Variants in EZR observed in about 807,000 individuals in gnomAD.
EZR encodes cytovillin 2.
Under a neutral mutation model 74.8 loss-of-function variants are expected in EZR, and 40 were observed. The observed-to-expected ratio is 0.53, with a 90% CI of 0.42 to 0.70. The LOEUF (loss-of-function observed/expected upper bound fraction) is 0.70, where lower values mean the gene tolerates loss of function less well. EZR is among the 30% of genes least tolerant of loss of function. The pLI, the probability that EZR is intolerant of heterozygous loss-of-function variation, is 0.00. For missense variants in EZR, 678 were observed against 755.8 expected (o/e 0.90, Z 1.21); for synonymous variants, 341 against 283.3 (o/e 1.20, Z -2.05).
At chr6:158,772,091 C>CCA (rs1181801688) in intron 8 of EZR, among the ~76,000 whole-genome samples, 1 of 152,220 alleles carries the variant, frequency 6.6e-6, no homozygotes, top group African/African-American at 2.4e-5. Flanking sequence ...TCAAAGCTAT[C>CCA]CAGCCCTGCT....
intron 2 of EZR, among the ~76,000 whole-genome samples, chr6:158,803,327 C>T (rs1385672459): frequency 1.3e-5 from 2 of 151,026 alleles, no homozygotes; most frequent in East Asian, 2.0e-4. Context: ...ACGAGGTATA[C>T]GGTTATCCTC....
intron 8 of EZR, among the ~76,000 whole-genome samples, chr6:158,772,583 A>G (rs1165887292): frequency 6.6e-6 from 1 of 152,064 alleles, no homozygotes; most frequent in African/African-American, 2.4e-5. Context: ...CCTTCGGGAA[A>G]CTCGTGACCA....
At chr6:158,773,743 C>T (rs552806865) in intron 8 of EZR, among the ~76,000 whole-genome samples, 23 of 152,360 alleles carry the variant, frequency 1.5e-4, no homozygotes, top group Middle Eastern at 3.4e-3. Flanking sequence ...GGGAAGGTCA[C>T]GTGGGGGAAG....
At chr6:158,774,440 C>T (rs1006009319) in intron 8 of EZR, among the ~76,000 whole-genome samples, 3 of 152,030 alleles carry the variant, frequency 2.0e-5, no homozygotes, top group African/African-American at 7.3e-5. Flanking sequence ...CTTTCCTTCA[C>T]GTAAATGTAG....
Position 158,767,393 on chromosome 6 carries a change from G to T in EZR, c.1464C>A (p.Ser488Arg). 1 of 1,613,808 alleles carries T rather than the reference G, an allele frequency of 6.2e-7. No individual in the cohort carries two copies. The highest frequency in any genetic ancestry group is 8.5e-7 in the Non-Finnish European group (1 of 1,179,932). ...TGGGCTCTGCGCCCTCATCCTGCAA[G>T]CTCTCCTGGACATGGTAGCTCACCG... Reference protein sequence around the residue: ...YEPVSYHVQESLQDEGAEPTG... With the variant: ...YEPVSYHVQERLQDEGAEPTG... The change falls in exon 13 of 14, where the codon AGC becomes AGA. Residue 488 changes from serine (S) to arginine (R), a missense_variant. Transcript: ENST00000367075.
intron 2 of EZR, among the ~76,000 whole-genome samples, chr6:158,806,999 T>A (rs562938171): frequency 6.6e-6 from 1 of 152,354 alleles, no homozygotes; most frequent in South Asian, 2.1e-4. Context: ...CCAAGTGACC[T>A]GTGGTTCAAT....
chr6:158,795,405 C>T (rs1460459993), intron 2 of EZR, among the ~76,000 whole-genome samples: 4 of 147,860 alleles, frequency 2.7e-5, no homozygotes, highest in Non-Finnish European at 6.0e-5. Context: ...GAACCCATCT[C>T]TAACTTTTAA....
chr6:158,799,824 T>TC (rs1422448766), intron 2 of EZR, among the ~76,000 whole-genome samples: 1 of 152,244 alleles, frequency 6.6e-6, no homozygotes, highest in African/African-American at 2.4e-5. Flanking sequence ...CTCTTCTTTC[T>TC]CCCCATCACC....
At chr6:158,817,952 C>G (rs1180211619) in intron 2 of EZR, 130 bp downstream of exon 2, 16 of 826,366 alleles carry the variant, frequency 1.9e-5, no homozygotes, top group Middle Eastern at 2.5e-4. Context: ...AAACCTCCTC[C>G]TATTCCTATC....
intron 8 of EZR, among the ~76,000 whole-genome samples, chr6:158,771,987 GAGCTC>G (rs1791125702): frequency 6.6e-6 from 1 of 152,052 alleles, no homozygotes; most frequent in Non-Finnish European, 1.5e-5. Flanking sequence ...GCCAGCCTGG[GAGCTC>G]CAGGATGAGC....
chr6:158,789,609 T>TA (rs1437058974), intron 2 of EZR: 29 of 639,952 alleles, frequency 4.5e-5, no homozygotes, highest in Non-Finnish European at 8.2e-5. Context: ...CACTGACACT[T>TA]AGGTCTAAGC....
chr6:158,789,137 C>T, intron 3 of EZR, 151 bp downstream of exon 3: 1 of 619,154 alleles, frequency 1.6e-6, no homozygotes, highest in Non-Finnish European at 2.8e-6. Context: ...ATAATGCTAT[C>T]ATGAAATACT....
intron 2 of EZR, among the ~76,000 whole-genome samples, chr6:158,808,898 CAGG>C (rs1777396400): frequency 6.6e-6 from 1 of 152,196 alleles, no homozygotes; most frequent in African/African-American, 2.4e-5. Context: ...GAGACTGAGG[CAGG>C]AGGATGGCTT....
chr6:158,767,052 G>C lies in EZR; in HGVS notation c.1623C>G (p.Ala541=). 1 of 1,614,126 alleles carries C rather than the reference G, an allele frequency of 6.2e-7. No homozygotes were observed. Among genetic ancestry groups the C allele is most frequent in the Non-Finnish European group, 8.5e-7 (1 of 1,180,038 alleles). Residue 541 remains alanine, a synonymous_variant, in exon 14 of 14, where the codon GCC becomes GCG. Coordinates refer to ENST00000367075, the MANE Select transcript of EZR (RefSeq NM_001111077.2). ...TGTGGGTCCTCTTATTCTCATCTCG[G>C]GCCTGGGACAGCTCGCTGCTCAGCG... The part of the protein sequence containing the change: ...LLTLSSELSQ[A]RDENKRTHND...
chr6:158,808,713 C>T (rs1266227612), intron 2 of EZR, among the ~76,000 whole-genome samples: 1 of 152,174 alleles, frequency 6.6e-6, no homozygotes, highest in Non-Finnish European at 1.5e-5. Flanking sequence ...AAAACTTGCC[C>T]AAGATTACCC....
At chr6:158,781,462 C>T (rs1020825336) in intron 7 of EZR, among the ~76,000 whole-genome samples, 3 of 152,144 alleles carry the variant, frequency 2.0e-5, no homozygotes, top group African/African-American at 2.4e-5. Flanking sequence ...ACACAGCTCA[C>T]GTTTTTACTT....
chr6:158,765,913 CTGCAAACAAACAAACACA>C lies in EZR; in HGVS notation c.*983_*1000del, dbSNP rs1253143893. ...CTGCCAAGGCCATGGCAGAGAGAGACTGCAAACAAACAAACACAAGCAAACAGAGTCTCTTCACAGCTG... is the reference window on the plus strand; with the variant it reads ...CTGCCAAGGCCATGGCAGAGAGAGACAGCAAACAGAGTCTCTTCACAGCTG... On this transcript the variant is annotated 3_prime_UTR_variant, in exon 14 of 14. Transcript: ENST00000367075. 1 of 107,048 alleles carries C rather than the reference CTGCAAACAAACAAACACA, an allele frequency of 9.3e-6. No individual in the cohort carries two copies. The highest frequency in any genetic ancestry group is 2.4e-5 in the Non-Finnish European group (1 of 42,348). The allele number at this position is 107,048 out of a possible 1,614,324, so 6.6% of individuals were successfully genotyped here. A position where few individuals can be genotyped will look rare whatever the true frequency, so the allele number is the denominator to read the frequency against.
At chr6:158,792,546 G>A (rs1413721680) in intron 2 of EZR, among the ~76,000 whole-genome samples, 5 of 70,866 alleles carry the variant, frequency 7.1e-5, no homozygotes, top group Admixed American at 9.1e-5. Context: ...AAAATTGGCT[G>A]GGCACAGTGG....
chr6:158,790,293 T>C (rs554651844), intron 2 of EZR, among the ~76,000 whole-genome samples: 18 of 152,124 alleles, frequency 1.2e-4, no homozygotes, highest in Non-Finnish European at 1.8e-4. Context: ...ATGGAAATAG[T>C]ATGAGGATGG....
Sources: allele counts gnomAD v4.1 joint callset (sites outside exome capture counted in the v4.1 genomes callset), GRCh38; gene constraint gnomAD v4.1.1; transcripts MANE v1.5; gene names NCBI Gene and HGNC (gene_info 2026-07-23, HGNC 2026-07-21).